CSNK2A2: variants seen among roughly 807,000 people sequenced by gnomAD.
The protein encoded by CSNK2A2 is casein kinase 2 alpha 2.
Under a neutral mutation model 54.0 loss-of-function variants are expected in CSNK2A2, and 8 were observed. That is an observed-to-expected ratio of 0.15 (90% CI 0.09 to 0.27). The LOEUF is 0.27. Among genes scored for constraint, CSNK2A2 ranks in the 10% least tolerant of loss-of-function variants. The pLI, the probability that CSNK2A2 is intolerant of heterozygous loss-of-function variation, is 1.00. For synonymous variants in CSNK2A2, 141 were observed against 153.9 expected (o/e 0.92, Z 0.62); for missense variants, 242 against 439.4 (o/e 0.55, Z 4.02).
intron 4 of CSNK2A2, among the ~76,000 whole-genome samples, chr16:58,183,305 AG>A (rs1258179131): frequency 4.0e-5 from 6 of 151,774 alleles, no homozygotes; most frequent in Non-Finnish European, 7.4e-5. Flanking sequence ...TGAACCCGGG[AG>A]ACAGAGGTTG....
At chr16:58,161,437 CTGAGA>C (rs1237141587) in intron 11 of CSNK2A2, 2 of 152,020 alleles carry the variant, frequency 1.3e-5, no homozygotes, top group African/African-American at 4.8e-5. Context: ...ATGAAAAGTA[CTGAGA>C]TGAGTTTAAG....
At chr16:58,192,565 G>C (rs926456052) in intron 2 of CSNK2A2, 2 of 152,122 alleles carry the variant, frequency 1.3e-5, no homozygotes, top group African/African-American at 4.8e-5. Flanking sequence ...CGCCTGCCTG[G>C]GTCCCTATAG....
chr16:58,195,230 G>A (rs1441528418), intron 2 of CSNK2A2, among the ~76,000 whole-genome samples: 1 of 150,602 alleles, frequency 6.6e-6, no homozygotes, highest in Non-Finnish European at 1.5e-5. Context: ...TCATATTTAG[G>A]GAAGAGAGGA....
chr16:58,179,486 T>C lies in CSNK2A2; in HGVS notation c.369+4774A>G, dbSNP rs537414154. Among the ~76,000 whole-genome samples, 5 of 146,312 alleles carry C rather than the reference T, an allele frequency of 3.4e-5. 1 individual carries two copies. In the South Asian group the frequency reaches 8.8e-4, roughly 26 times the overall value. On this transcript the variant is annotated intron_variant, in intron 4 of 11. Coordinates refer to ENST00000262506, the MANE Select transcript of CSNK2A2 (RefSeq NM_001896.4). ...ACTGCACTCCAGCCTGGGTGAGAGA[T>C]AGAGGCTCTGTCTCAAAAAAAAAAA...
intron 11 of CSNK2A2, chr16:58,161,785 T>C (rs1295955749): frequency 6.6e-6 from 1 of 152,130 alleles, no homozygotes; most frequent in Non-Finnish European, 1.5e-5. Context: ...CAAGCCCAGT[T>C]ATGGTCTAAG....
chr16:58,181,070 A>G (rs1962026991), intron 4 of CSNK2A2, among the ~76,000 whole-genome samples: 1 of 152,206 alleles, frequency 6.6e-6, no homozygotes, highest in Non-Finnish European at 1.5e-5. Context: ...TGGCTTGAAC[A>G]TTCAAAGGGG....
At chr16:58,196,885 G>T (rs752979689) in intron 1 of CSNK2A2, 41 bp from the exon 2 acceptor site, 2 of 1,312,506 alleles carry the variant, frequency 1.5e-6, no homozygotes, top group African/African-American at 2.9e-5. Context: ...AGGACTGGGG[G>T]TTAACCAAGC....
rs1567466368 is a variant in CSNK2A2, at chr16:58,171,981, T to TATA, written c.429+2469_429+2470insTAT. Among the ~76,000 whole-genome samples the TATA allele has an allele frequency of 4.3e-3, 232 of 54,092 alleles. 1 individual carries two copies. The highest frequency in any genetic ancestry group is 0.017 in the East Asian group (31 of 1,810). 35.5% of individuals were successfully genotyped at this position (54,092 alleles called of 152,430 possible). Reference sequence around the variant, plus strand: ...TGCATATATATATATATATATATATTTTTTTTTTTTTTTTTTTTTTGGTAG... The same window carrying TATA: ...TGCATATATATATATATATATATATTATATTTTTTTTTTTTTTTTTTTTGGTAG... On this transcript the variant is annotated intron_variant, in intron 5 of 11. Coordinates refer to ENST00000262506, the MANE Select transcript of CSNK2A2 (RefSeq NM_001896.4).
chr16:58,190,261 G>C (rs1015968528), intron 2 of CSNK2A2, among the ~76,000 whole-genome samples: 2 of 151,850 alleles, frequency 1.3e-5, no homozygotes, highest in Non-Finnish European at 2.9e-5. Context: ...TAGACAAAGT[G>C]GTGAAAAAAA....
intron 2 of CSNK2A2, among the ~76,000 whole-genome samples, chr16:58,188,955 CTTTTTT>C (rs57552824): frequency 1.0e-5 from 1 of 99,644 alleles, no homozygotes; most frequent in Non-Finnish European, 2.1e-5. Context: ...TAAAAACTGG[CTTTTTT>C]TTTTTTTTTT....
At chr16:58,164,215 C>A in intron 10 of CSNK2A2, 68 bp from the exon 11 acceptor site, 1 of 1,449,442 alleles carries the variant, frequency 6.9e-7, no homozygotes, top group Admixed American at 1.7e-5. Flanking sequence ...CATGGCAAAC[C>A]CACCCTTTCA....
chr16:58,191,260 T>C (rs944424088), intron 2 of CSNK2A2, among the ~76,000 whole-genome samples: 1 of 152,210 alleles, frequency 6.6e-6, no homozygotes. Context: ...GTTTCCATTT[T>C]ACAAGATGAA....
chr16:58,183,318 A>C (rs1962109732), intron 4 of CSNK2A2, among the ~76,000 whole-genome samples: 1 of 151,942 alleles, frequency 6.6e-6, no homozygotes, highest in South Asian at 2.1e-4. Flanking sequence ...CAGAGGTTGC[A>C]GTGAGCCAAG....
chr16:58,169,151 C>T (rs1961659579), intron 5 of CSNK2A2, among the ~76,000 whole-genome samples: 1 of 152,074 alleles, frequency 6.6e-6, no homozygotes, highest in Non-Finnish European at 1.5e-5. Context: ...TGGTTTCAAT[C>T]TCCTGACCTC....
Position 58,174,522 on chromosome 16 carries a change from T to G in CSNK2A2, c.370-12A>C, listed in dbSNP as rs374949841. 2 of 1,609,752 alleles carry G rather than the reference T, an allele frequency of 1.2e-6. No homozygotes were observed. Among genetic ancestry groups the G allele is most frequent in the African/African-American group, 1.3e-5 (1 of 74,658 alleles). ...ATCTGGTAGAGTTGCTGAAACAGAT[T>G]CCAGAAAACAGAAAGTTAATTTAGT... On this transcript the variant is annotated splice_polypyrimidine_tract_variant and intron_variant, in intron 4 of 11. Coordinates refer to ENST00000262506, the MANE Select transcript of CSNK2A2 (RefSeq NM_001896.4).
chr16:58,176,511 C>T (rs569691118), intron 4 of CSNK2A2, among the ~76,000 whole-genome samples: 1 of 152,350 alleles, frequency 6.6e-6, no homozygotes, highest in Non-Finnish European at 1.5e-5. Context: ...GACCAAACTA[C>T]ATCTGTAACA....
At chr16:58,163,534 TA>T (rs1029954709) in intron 11 of CSNK2A2, 3 of 152,110 alleles carry the variant, frequency 2.0e-5, no homozygotes, top group Admixed American at 2.0e-4. Context: ...CTCATGTCAT[TA>T]AAAAATACAT....
At position 58,197,523 on chromosome 16, in the gene CSNK2A2, C is replaced by A; in HGVS notation, c.104+110G>T. ...AGCGGGACCTCTGCCTCCCTGCGGG[C>A]CCGCGGAGGGGTCGGCGGGAGACAC... is the stretch of plus-strand genomic sequence containing the variant. On this transcript the variant is annotated intron_variant, in intron 1 of 11. Transcript: ENST00000262506. This position sits in a 1 kb window ranked among gnomAD's most constrained non-coding sequence, Gnocchi z 4.0. 3.7e-6 allele frequency: 2 copies of A among 546,938 alleles called. No homozygotes were observed. Among genetic ancestry groups the A allele is most frequent in the Non-Finnish European group, 6.1e-6 (2 of 326,854 alleles). The allele number at this position is 546,938 out of a possible 1,614,324, so 33.9% of individuals were successfully genotyped here. A position where few individuals can be genotyped will look rare whatever the true frequency, so the allele number is the denominator to read the frequency against.
intron 4 of CSNK2A2, among the ~76,000 whole-genome samples, chr16:58,176,134 G>GTGATTGA (rs1454652327): frequency 6.6e-6 from 1 of 152,198 alleles, no homozygotes; most frequent in Non-Finnish European, 1.5e-5. Flanking sequence ...CACTCACAGA[G>GTGATTGA]ACTAGGCTAA....
Sources: allele counts gnomAD v4.1 joint callset (sites outside exome capture counted in the v4.1 genomes callset), GRCh38; gene constraint gnomAD v4.1.1; non-coding constraint Gnocchi (gnomAD v3.1); transcripts MANE v1.5; gene names NCBI Gene and HGNC (gene_info 2026-07-23, HGNC 2026-07-21).